Variants in NFIB observed in about 807,000 individuals in gnomAD.
NFIB encodes the protein nuclear factor I B.
In NFIB, 11 loss-of-function variants were observed where a neutral mutation model predicts 61.5. The observed-to-expected ratio is 0.18, with a 90% confidence interval of 0.11 to 0.30. NFIB has a LOEUF of 0.30. NFIB is among the 10% of genes least tolerant of loss of function. NFIB has a pLI of 1.00. For missense variants in NFIB, 471 were observed against 608.9 expected (o/e 0.77, Z 2.38); for synonymous variants, 260 against 216.5 (o/e 1.20, Z -1.76).
the NFIB span, among the ~76,000 whole-genome samples, chr9:14,444,004 A>G: frequency 6.6e-6 from 1 of 152,218 alleles, no homozygotes; most frequent in African/African-American, 2.4e-5. Context: ...TTTTCTGGTA[A>G]TATTTTCTAC....
intron 6 of NFIB, among the ~76,000 whole-genome samples, chr9:14,138,274 G>C (rs936393816): frequency 1.3e-5 from 2 of 152,032 alleles, no homozygotes; most frequent in Non-Finnish European, 2.9e-5. Flanking sequence ...ATAGAATCTT[G>C]TTTTCCATGT....
At chr9:14,455,045 G>C in the NFIB span, among the ~76,000 whole-genome samples, 1 of 152,148 alleles carries the variant, frequency 6.6e-6, no homozygotes, top group East Asian at 1.9e-4. Flanking sequence ...CATGATTGGG[G>C]GTTATTTGTT....
At chr9:14,482,805 C>T in the NFIB span, among the ~76,000 whole-genome samples, 1 of 152,172 alleles carries the variant, frequency 6.6e-6, no homozygotes, top group Non-Finnish European at 1.5e-5. Flanking sequence ...TCTAATAATG[C>T]CTCAGTTTAG....
chr9:14,271,380 A>C (rs2057611799), intron 2 of NFIB, among the ~76,000 whole-genome samples: 1 of 152,026 alleles, frequency 6.6e-6, no homozygotes, highest in Non-Finnish European at 1.5e-5. Context: ...ATGCCTCCTT[A>C]GTTGAAAGAG....
At chr9:14,184,854 C>G (rs1343557785) in intron 2 of NFIB, among the ~76,000 whole-genome samples, 2 of 152,100 alleles carry the variant, frequency 1.3e-5, no homozygotes, top group African/African-American at 4.8e-5. Context: ...AACCCCGTCT[C>G]TACCAAAAAA....
At chr9:14,430,893 T>TA in the NFIB span, among the ~76,000 whole-genome samples, 2 of 152,186 alleles carry the variant, frequency 1.3e-5, no homozygotes, top group Non-Finnish European at 2.9e-5. Context: ...TGAAATGCTT[T>TA]ATAATTGACA....
intron 2 of NFIB, among the ~76,000 whole-genome samples, chr9:14,241,398 T>C (rs2054331621): frequency 6.6e-6 from 1 of 152,154 alleles, no homozygotes. Flanking sequence ...AGTGAAAAGA[T>C]GACTGATAGG....
At chr9:14,133,571 T>A (rs1404967202) in intron 6 of NFIB, among the ~76,000 whole-genome samples, 1 of 152,122 alleles carries the variant, frequency 6.6e-6, no homozygotes, top group African/African-American at 2.4e-5. Context: ...AGGAAACAGT[T>A]TGGGCTCTGT....
the NFIB span, among the ~76,000 whole-genome samples, chr9:14,445,216 C>T: frequency 6.6e-6 from 1 of 152,040 alleles, no homozygotes; most frequent in Non-Finnish European, 1.5e-5. Flanking sequence ...TGATAATTAA[C>T]CTGTATATTT....
chr9:14,373,768 G>C (rs772882787), intron 1 of NFIB, among the ~76,000 whole-genome samples: 1 of 151,970 alleles, frequency 6.6e-6, no homozygotes, highest in Non-Finnish European at 1.5e-5. Flanking sequence ...GATTTGGCAG[G>C]TTTGGGGGAA....
chr9:14,181,379 T>C (rs1238822243), intron 2 of NFIB, among the ~76,000 whole-genome samples: 1 of 152,246 alleles, frequency 6.6e-6, no homozygotes, highest in Non-Finnish European at 1.5e-5. Flanking sequence ...ATTCTTCATC[T>C]GGCTCGAGTC....
intron 2 of NFIB, chr9:14,305,825 T>C (rs2059989070): frequency 5.6e-6 from 2 of 355,164 alleles, no homozygotes; most frequent in East Asian, 8.2e-5. Flanking sequence ...GGTAACAGTC[T>C]GTCACCTGGC....
At position 14,288,986 on chromosome 9, in the gene NFIB, G is replaced by A. The variant is rs191083828; in HGVS notation, c.562+18003C>T. On this transcript the variant is annotated intron_variant, in intron 2 of 10. Coordinates refer to ENST00000380953, the MANE Select transcript of NFIB (RefSeq NM_001190737.2). Reference sequence around the variant, plus strand: ...CTTTGACTATATGATGATACATACGGAATCATATTAAACACATACCAAAAT... The same window carrying A: ...CTTTGACTATATGATGATACATACGAAATCATATTAAACACATACCAAAAT... Among the ~76,000 whole-genome samples, 61 of 151,040 alleles carry A rather than the reference G, an allele frequency of 4.0e-4. No homozygotes were observed. The East Asian group carries it at 0.011, about 28-fold the overall frequency.
At chr9:14,160,481 C>T (rs898802108) in intron 3 of NFIB, among the ~76,000 whole-genome samples, 5 of 152,018 alleles carry the variant, frequency 3.3e-5, no homozygotes, top group Non-Finnish European at 5.9e-5. Context: ...TCATGAAAGC[C>T]GTCTTCAAGT....
chr9:14,302,970 T>C (rs2059828154), intron 2 of NFIB, among the ~76,000 whole-genome samples: 4 of 152,246 alleles, frequency 2.6e-5, no homozygotes, highest in Admixed American at 2.6e-4. Flanking sequence ...TTTGGTTGAT[T>C]TTCCCAGTGT....
chr9:14,485,000 G>A, the NFIB span, among the ~76,000 whole-genome samples: 1 of 152,098 alleles, frequency 6.6e-6, no homozygotes. Flanking sequence ...ACATGACAGA[G>A]AGAGAGAGAA....
At chr9:14,474,447 T>C in the NFIB span, among the ~76,000 whole-genome samples, 2 of 152,212 alleles carry the variant, frequency 1.3e-5, no homozygotes, top group Non-Finnish European at 2.9e-5. Flanking sequence ...GGTTTTAACA[T>C]ACGAATTTTG....
Position 14,167,766 on chromosome 9 carries a change from A to G in NFIB, c.617-11873T>C, listed in dbSNP as rs78870211. On this transcript the variant is annotated intron_variant, in intron 3 of 10. Transcript: ENST00000380953. The stretch of plus-strand genomic sequence containing the variant: ...AAGGTATGAATTACAACAGTCAGGT[A>G]TTTTTTTGCAGCTTCTAGAATGTTA... Among the ~76,000 whole-genome samples, 448 of 152,260 alleles carry G rather than the reference A, an allele frequency of 2.9e-3. 4 individuals are homozygous for G. The highest frequency in any genetic ancestry group is 0.01 in the African/African-American group (425 of 41,558).
intron 2 of NFIB, among the ~76,000 whole-genome samples, chr9:14,180,083 G>A (rs1052120860): frequency 1.3e-5 from 2 of 152,148 alleles, no homozygotes; most frequent in East Asian, 3.9e-4. Flanking sequence ...TGAAGGTTAG[G>A]CAAATATTGA....
Sources: gnomAD v4.1 joint callset for allele counts (sites outside exome capture counted in the v4.1 genomes callset) on GRCh38, gnomAD v4.1.1 for gene constraint, MANE v1.5 for transcripts, NCBI Gene and HGNC (gene_info 2026-07-23, HGNC 2026-07-21) for gene names.